DUSP11: variants seen among roughly 807,000 people sequenced by gnomAD.
DUSP11 encodes dual specificity phosphatase 11.
A neutral mutation model predicts 41.4 loss-of-function variants in DUSP11; 27 were observed. The observed-to-expected ratio is 0.65, with a 90% confidence interval of 0.48 to 0.90. DUSP11 has a LOEUF of 0.90. DUSP11 is among the 40% of genes least tolerant of loss of function. DUSP11 has a pLI of 0.00. For synonymous variants in DUSP11, 188 were observed against 159.3 expected, an observed-to-expected ratio of 1.18 and a Z score of -1.35; for missense variants, 465 against 461.1, an observed-to-expected ratio of 1.01 and a Z score of -0.08.
chr2:73,779,728 G>C, intron 1 of DUSP11, 146 bp downstream of exon 1: 1 of 1,213,130 alleles, frequency 8.2e-7, no homozygotes, highest in South Asian at 1.5e-5. Flanking sequence ...TACAGCGGGT[G>C]GCGCAGAGGG....
At chr2:73,774,475 C>A (rs572331169) in intron 3 of DUSP11, among the ~76,000 whole-genome samples, 2 of 152,298 alleles carry the variant, frequency 1.3e-5, no homozygotes, top group Non-Finnish European at 2.9e-5. Flanking sequence ...GTAACCATCA[C>A]CACTGTCTAT....
At chr2:73,778,784 G>A (rs919888276) in intron 1 of DUSP11, among the ~76,000 whole-genome samples, 1 of 152,126 alleles carries the variant, frequency 6.6e-6, no homozygotes, top group African/African-American at 2.4e-5. Flanking sequence ...AGTTCAATTA[G>A]TAGGAAACTT....
In DUSP11 at chr2:73,776,544, A is replaced by G. The variant is rs183500737; in HGVS notation, c.319-1500T>C. Among the ~76,000 whole-genome samples the G allele has an allele frequency of 4.5e-3, 684 of 152,042 alleles. 8 individuals are homozygous for G. Among genetic ancestry groups the G allele is most frequent in the African/African-American group, 0.016 (658 of 41,490 alleles). On this transcript the variant is annotated intron_variant, in intron 2 of 8. Coordinates refer to ENST00000272444, the Ensembl canonical transcript of DUSP11. Reference sequence around the variant, plus strand: ...ACCCACCCAGACTCCCCCACTATCCACATTCCATACCAGTGTGGTCCATTT... The same window carrying G: ...ACCCACCCAGACTCCCCCACTATCCGCATTCCATACCAGTGTGGTCCATTT...
In DUSP11 at chr2:73,768,772, C is replaced by T. The variant is rs999307732; in HGVS notation, c.635+493G>A. 3.3e-5 allele frequency: 16 copies of T among 483,846 alleles called. No individual in the cohort carries two copies. In the East Asian group the frequency reaches 1.8e-3, roughly 55 times the overall value. 30.0% of individuals were successfully genotyped at this position (483,846 alleles called of 1,614,324 possible). On this transcript the variant is annotated intron_variant, in intron 5 of 8. Coordinates refer to ENST00000272444, the Ensembl canonical transcript of DUSP11. Reference sequence around the variant, plus strand: ...GAGATCAAGACCATCCTGGCTAACACGGTGAAACCACATCTCTACTAAAAA... The same window carrying T: ...GAGATCAAGACCATCCTGGCTAACATGGTGAAACCACATCTCTACTAAAAA...
At chr2:73,766,955 C>T (rs772671081) in intron 6 of DUSP11, 52 bp from the exon 7 acceptor site, 1 of 1,507,950 alleles carries the variant, frequency 6.6e-7, no homozygotes, top group Non-Finnish European at 9.2e-7. Flanking sequence ...CAGATCTTTC[C>T]AGAAAAAGCA....
intron 8 of DUSP11, among the ~76,000 whole-genome samples, chr2:73,766,013 C>G (rs926819603): frequency 2.0e-5 from 3 of 152,162 alleles, no homozygotes; most frequent in Non-Finnish European, 2.9e-5. Flanking sequence ...AACTGAACAG[C>G]AAGAATTCCT....
rs372722693 is a variant in DUSP11 at position 73,779,867 on chromosome 2, A to C, written c.242+7T>G. 2 of 1,614,108 alleles carry C rather than the reference A, an allele frequency of 1.2e-6. No homozygotes were observed. Among genetic ancestry groups the C allele is most frequent in the Non-Finnish European group, 1.7e-6 (2 of 1,179,962 alleles). ...AAAGGCCACGCCAAGGGACCAAGAC[A>C]TACTACCTTTCGGGGATGTGGTTTC... On this transcript the variant is annotated splice_region_variant and intron_variant, in intron 1 of 8. Transcript: ENST00000272444.
At chr2:73,763,310 A>G (rs1672395467) in intron 8 of DUSP11, among the ~76,000 whole-genome samples, 1 of 152,272 alleles carries the variant, frequency 6.6e-6, no homozygotes, top group South Asian at 2.1e-4. Flanking sequence ...ACGAACATAC[A>G]TAAATTAATT....
rs775477082 is a variant in DUSP11 at position 73,779,850 on chromosome 2, C to A, written c.242+24G>T. On this transcript the variant is annotated intron_variant, in intron 1 of 8. Coordinates refer to ENST00000272444, the Ensembl canonical transcript of DUSP11. ...CAGAAGCCACGAGCTGGAAAGGCCA[C>A]GCCAAGGGACCAAGACATACTACCT... The A allele has an allele frequency of 4.3e-6, 7 of 1,612,576 alleles. No individual in the cohort carries two copies. The South Asian group carries it at 7.7e-5, about 18-fold the overall frequency.
chr2:73,773,769 C>T (rs1672629391), intron 4 of DUSP11, 31 bp downstream of exon 4: 3 of 1,571,470 alleles, frequency 1.9e-6, no homozygotes, highest in Non-Finnish European at 2.6e-6. Flanking sequence ...TCATAATGCA[C>T]ACCACAGTTC....
At chr2:73,771,344 C>G (rs1167824647) in intron 4 of DUSP11, among the ~76,000 whole-genome samples, 2 of 152,182 alleles carry the variant, frequency 1.3e-5, no homozygotes, top group African/African-American at 4.8e-5. Flanking sequence ...CCTTTTGTGC[C>G]TAATCCCCAA....
chr2:73,770,480 G>A (rs1222865924), intron 4 of DUSP11, among the ~76,000 whole-genome samples: 5 of 148,594 alleles, frequency 3.4e-5, no homozygotes, highest in African/African-American at 5.0e-5. Flanking sequence ...GTGCCACTGC[G>A]CTCCAGCTTT....
intron 1 of DUSP11, 42 bp downstream of exon 1, chr2:73,779,832 C>G: frequency 6.2e-7 from 1 of 1,609,222 alleles, no homozygotes. Flanking sequence ...ACCCAGAAGC[C>G]ACGAGCTGGA....
chr2:73,769,187 T>A, intron 5 of DUSP11, 78 bp downstream of exon 5: 1 of 1,315,730 alleles, frequency 7.6e-7, no homozygotes, highest in Non-Finnish European at 1.1e-6. Flanking sequence ...ACCAGTTCCA[T>A]TTTTTACAAC....
intron 5 of DUSP11, chr2:73,768,780 C>T (rs1672518890): frequency 2.3e-6 from 1 of 437,182 alleles, no homozygotes; most frequent in Admixed American, 6.4e-5. Context: ...CACGGTGAAA[C>T]CACATCTCTA....
rs1672473036 is a variant in DUSP11 at position 73,766,708 on chromosome 2, T to C, written c.759-114A>G. 5 of 1,364,168 alleles carry C rather than the reference T, an allele frequency of 3.7e-6. No individual in the cohort carries two copies. The South Asian group carries it at 6.5e-5, about 18-fold the overall frequency. The allele number at this position is 1,364,168 out of a possible 1,614,324, so 84.5% of individuals were successfully genotyped here. A position where few individuals can be genotyped will look rare whatever the true frequency, so the allele number is the denominator to read the frequency against. ...ATTTCTTCCTTCTCCCATTCCTATT[T>C]GTTTACATCTCCCCCCAACAAACAA... On this transcript the variant is annotated intron_variant, in intron 7 of 8. Transcript: ENST00000272444.
chr2:73,768,456 AC>A, intron 5 of DUSP11: 1 of 985,236 alleles, frequency 1.0e-6, no homozygotes, highest in Non-Finnish European at 1.2e-6. Flanking sequence ...ATAACTCAGT[AC>A]AGTGTGGCAA....
At chr2:73,764,520 GTATTATTAAAATATC>G (rs1558531795) in intron 8 of DUSP11, among the ~76,000 whole-genome samples, 1 of 152,188 alleles carries the variant, frequency 6.6e-6, no homozygotes, top group Non-Finnish European at 1.5e-5. Flanking sequence ...TATGGGGTAT[GTATTATTAAAATATC>G]TATCTGACTA....
chr2:73,770,280 G>A (rs113880288), intron 4 of DUSP11, among the ~76,000 whole-genome samples: 2,075 of 151,790 alleles, frequency 0.014, 47 homozygotes, highest in African/African-American at 0.045. Context: ...TTTGGGAGGC[G>A]GAGGTGGGTG....
Sources: gnomAD v4.1 joint callset for allele counts (sites outside exome capture counted in the v4.1 genomes callset) on GRCh38, gnomAD v4.1.1 for gene constraint, MANE v1.5 for transcripts, NCBI Gene and HGNC (gene_info 2026-07-23, HGNC 2026-07-21) for gene names.